Variants in CFAP58 observed in about 807,000 individuals in gnomAD.
CFAP58 encodes the protein cilia and flagella associated protein 58, also known as cilia- and flagella-associated protein 58.
A neutral mutation model predicts 119.5 loss-of-function variants in CFAP58; 88 were observed. That is an observed-to-expected ratio of 0.74 (90% CI 0.62 to 0.88). The LOEUF is 0.88. Among genes scored for constraint, CFAP58 ranks in the 40% least tolerant of loss-of-function variants. The probability of loss-of-function intolerance (pLI) is 0.00; values close to 1 mark genes in which losing one functional copy is unlikely to be tolerated. For synonymous variants in CFAP58, 365 were observed against 366.3 expected (o/e 1.00, Z 0.04); for missense variants, 990 against 1,021.2 (o/e 0.97, Z 0.42).
chr10:104,428,185 A>G (rs1357286881), intron 15 of CFAP58, among the ~76,000 whole-genome samples: 1 of 152,130 alleles, frequency 6.6e-6, no homozygotes, highest in Non-Finnish European at 1.5e-5. Context: ...GTGAACTTCC[A>G]GGAGGGAGTA....
chr10:104,423,214 G>A (rs1262963928), intron 15 of CFAP58, among the ~76,000 whole-genome samples: 1 of 152,040 alleles, frequency 6.6e-6, no homozygotes, highest in Non-Finnish European at 1.5e-5. Flanking sequence ...TTAGTGATAT[G>A]CATTTATTCC....
chr10:104,408,784 A>G (rs1017872580), intron 15 of CFAP58, among the ~76,000 whole-genome samples: 1 of 152,118 alleles, frequency 6.6e-6, no homozygotes, highest in Non-Finnish European at 1.5e-5. Flanking sequence ...TAAATATTTC[A>G]GTTATAAAAT....
intron 15 of CFAP58, among the ~76,000 whole-genome samples, chr10:104,427,467 G>A (rs2012769527): frequency 6.6e-6 from 1 of 151,906 alleles, no homozygotes; most frequent in Non-Finnish European, 1.5e-5. Context: ...GTCTCATTCG[G>A]TCTTCCAACA....
intron 8 of CFAP58, among the ~76,000 whole-genome samples, chr10:104,379,378 T>C (rs1237332618): frequency 6.6e-6 from 1 of 152,220 alleles, no homozygotes; most frequent in Non-Finnish European, 1.5e-5. Flanking sequence ...TATTCCACTG[T>C]GTGGATATAC....
intron 7 of CFAP58, among the ~76,000 whole-genome samples, chr10:104,375,933 G>A (rs908329283): frequency 3.9e-5 from 6 of 152,140 alleles, no homozygotes; most frequent in Non-Finnish European, 8.8e-5. Context: ...TTGTGCAGAG[G>A]AAGCTTTCAG....
intron 15 of CFAP58, among the ~76,000 whole-genome samples, chr10:104,408,633 G>C (rs1262880148): frequency 6.6e-6 from 1 of 152,158 alleles, no homozygotes; most frequent in Non-Finnish European, 1.5e-5. Context: ...CCAAGCATCT[G>C]TATTATAAGT....
At chr10:104,426,636 G>A (rs529877618) in intron 15 of CFAP58, among the ~76,000 whole-genome samples, 2 of 152,184 alleles carry the variant, frequency 1.3e-5, no homozygotes, top group Non-Finnish European at 2.9e-5. Flanking sequence ...AGAGACTCCA[G>A]TAATCCTTTC....
At chr10:104,359,768 C>G (rs1303778084) in intron 2 of CFAP58, among the ~76,000 whole-genome samples, 1 of 152,164 alleles carries the variant, frequency 6.6e-6, no homozygotes, top group Non-Finnish European at 1.5e-5. Flanking sequence ...TGCACTCCAG[C>G]CTTGGCAACA....
At chr10:104,440,587 TTA>T (rs2013021066) in intron 15 of CFAP58, among the ~76,000 whole-genome samples, 2 of 152,104 alleles carry the variant, frequency 1.3e-5, no homozygotes, top group South Asian at 4.2e-4. Context: ...GAATGAGGAG[TTA>T]TGTCTGTTAT....
At chr10:104,352,367 G>C (rs2014470339), upstream of CFAP58, among the ~76,000 whole-genome samples, 2 of 152,170 alleles carry the variant, frequency 1.3e-5, no homozygotes, top group South Asian at 4.1e-4. Context: ...TTGTGCTCTT[G>C]GAAAACTGTT....
intron 11 of CFAP58, 127 bp downstream of exon 11, chr10:104,393,602 T>C (rs2012096395): frequency 1.2e-6 from 1 of 853,560 alleles, no homozygotes; most frequent in East Asian, 2.7e-5. Flanking sequence ...CAGTTGCTAG[T>C]TACCCAAACC....
At chr10:104,395,987 G>A (rs2012145474) in intron 11 of CFAP58, among the ~76,000 whole-genome samples, 1 of 152,082 alleles carries the variant, frequency 6.6e-6, no homozygotes, top group South Asian at 2.1e-4. Context: ...TACTTTTTCT[G>A]TTGCTACCAG....
At chr10:104,445,054 G>A (rs1394521974) in intron 15 of CFAP58, among the ~76,000 whole-genome samples, 4 of 152,142 alleles carry the variant, frequency 2.6e-5, no homozygotes, top group African/African-American at 7.2e-5. Flanking sequence ...TGGATGTGGT[G>A]GCTCAGGCCT....
At chr10:104,371,257 T>C (rs2014820395) in intron 7 of CFAP58, among the ~76,000 whole-genome samples, 1 of 152,150 alleles carries the variant, frequency 6.6e-6, no homozygotes, top group Admixed American at 6.5e-5. Flanking sequence ...AAACAATTCT[T>C]CCACAGGTTC....
rs763153364 is a variant in CFAP58 at position 104,450,071 on chromosome 10, G to A, written c.2377G>A (p.Val793Ile). The A allele has an allele frequency of 1.9e-6, 3 of 1,590,660 alleles. No homozygotes were observed. Among genetic ancestry groups the A allele is most frequent in the East Asian group, 2.2e-5 (1 of 44,610 alleles). Residue 793 changes from valine to isoleucine, a missense_variant and splice_region_variant, in exon 17 of 18, where the codon GTT (valine) becomes ATT (isoleucine). Coordinates refer to ENST00000369704, the MANE Select transcript of CFAP58 (RefSeq NM_001008723.2). ...AATGCTGCTTTATTTGCCATGTTAG[G>A]TTTTGTCTTCAGAATTGAATATGTA... Reference protein sequence around the residue: ...TLHDKKQQLKVLSSELNMYEV... With the variant: ...TLHDKKQQLKILSSELNMYEV...
chr10:104,427,051 T>C (rs2012762420), intron 15 of CFAP58, among the ~76,000 whole-genome samples: 1 of 152,214 alleles, frequency 6.6e-6, no homozygotes, highest in Non-Finnish European at 1.5e-5. Flanking sequence ...AAGCTTGCTG[T>C]TACAATGCCC....
intron 15 of CFAP58, among the ~76,000 whole-genome samples, chr10:104,419,939 C>T (rs1282740470): frequency 6.6e-6 from 1 of 152,004 alleles, no homozygotes; most frequent in Non-Finnish European, 1.5e-5. Flanking sequence ...CAAAGAAATC[C>T]AAAATCTAGG....
intron 15 of CFAP58, among the ~76,000 whole-genome samples, chr10:104,413,706 ACATCATCATCATCATCAT>A (rs199893413): frequency 7.0e-6 from 1 of 143,760 alleles, no homozygotes; most frequent in Non-Finnish European, 1.5e-5. Flanking sequence ...GGGTATCATT[ACATCATCATCATCATCAT>A]CATCATCATC....
intron 16 of CFAP58, 27 bp from the exon 17 acceptor site, chr10:104,450,044 T>G: frequency 6.3e-7 from 1 of 1,582,166 alleles, no homozygotes; most frequent in Non-Finnish European, 8.6e-7. Flanking sequence ...GTATCTTTTG[T>G]TAATGCTGCT....
Sources: allele counts gnomAD v4.1 joint callset (sites outside exome capture counted in the v4.1 genomes callset), GRCh38; gene constraint gnomAD v4.1.1; transcripts MANE v1.5; gene names NCBI Gene and HGNC (gene_info 2026-07-23, HGNC 2026-07-21).